Variants in NAALADL2 observed in about 807,000 individuals in gnomAD.
NAALADL2 encodes N-acetylated alpha-linked acidic dipeptidase like 2.
A neutral mutation model predicts 87.2 loss-of-function variants in NAALADL2; 76 were observed. The ratio of observed to expected loss-of-function variants is 0.87; its 90% confidence interval spans 0.72 to 1.05. The LOEUF (loss-of-function observed/expected upper bound fraction) is 1.05, where lower values mean the gene tolerates loss of function less well. NAALADL2 is among the 50% of genes least tolerant of loss of function. The probability of loss-of-function intolerance (pLI) is 0.00; values close to 1 mark genes in which losing one functional copy is unlikely to be tolerated. For missense variants in NAALADL2, 1,089 were observed against 945.8 expected, an observed-to-expected ratio of 1.15 and a Z score of -1.99; for synonymous variants, 354 against 331.0, an observed-to-expected ratio of 1.07 and a Z score of -0.75.
At chr3:174,978,599 C>T (rs1201488335) in intron 1 of NAALADL2, among the ~76,000 whole-genome samples, 2 of 152,138 alleles carry the variant, frequency 1.3e-5, no homozygotes, top group African/African-American at 4.8e-5. Flanking sequence ...CCTTTTAATA[C>T]TTACTATATG....
chr3:174,756,006 C>T (rs1332962950), intron 3 of NAALADL2, among the ~76,000 whole-genome samples: 1 of 152,160 alleles, frequency 6.6e-6, no homozygotes, highest in Non-Finnish European at 1.5e-5. Context: ...ATCAGGCAAT[C>T]ACACAATTCA....
chr3:174,798,817 C>T (rs1205053950), intron 3 of NAALADL2, among the ~76,000 whole-genome samples: 1 of 151,682 alleles, frequency 6.6e-6, no homozygotes, highest in Non-Finnish European at 1.5e-5. Flanking sequence ...TCTAATAGTT[C>T]TTTAGTGGAT....
In NAALADL2 at chr3:175,096,767, A is replaced by G. The variant is rs554704896; in HGVS notation, c.44-23A>G. On this transcript the variant is annotated intron_variant, in intron 1 of 13. Transcript: ENST00000454872. ...TTAATTGTGTGTTTATTTTATTAAA[A>G]TATATTTTTCTTATTTTCACAGGTA... The G allele has an allele frequency of 2.0e-4, 284 of 1,392,976 alleles. 1 individual carries two copies. The highest frequency in any genetic ancestry group is 7.5e-5 in the Non-Finnish European group (79 of 1,057,410). 86.3% of individuals were successfully genotyped at this position (1,392,976 alleles called of 1,614,324 possible).
intron 10 of NAALADL2, among the ~76,000 whole-genome samples, chr3:175,606,520 A>T (rs1038442381): frequency 6.6e-6 from 1 of 152,212 alleles, no homozygotes; most frequent in South Asian, 2.1e-4. Context: ...GCTTAAATTC[A>T]CCTAAAATAT....
At position 175,258,265 on chromosome 3, in the gene NAALADL2, G is replaced by A. The variant is rs148442526; in HGVS notation, c.939+1735G>A. On this transcript the variant is annotated intron_variant, in intron 4 of 13. Transcript: ENST00000454872. ...AGAACTTGCAATGAGCCGAGATCACGCCACTGCACTCCAGCCTGGGCAACA... is the reference window on the plus strand; with the variant it reads ...AGAACTTGCAATGAGCCGAGATCACACCACTGCACTCCAGCCTGGGCAACA... Among the ~76,000 whole-genome samples, 504 of 141,036 alleles carry A rather than the reference G, an allele frequency of 3.6e-3. 5 individuals are homozygous for A. The highest frequency in any genetic ancestry group is 0.013 in the African/African-American group (493 of 37,718). 92.5% of individuals were successfully genotyped at this position (141,036 alleles called of 152,430 possible). A position where few individuals can be genotyped will look rare whatever the true frequency, so the allele number is the denominator to read the frequency against.
Position 175,406,899 on chromosome 3 carries a change from G to A in NAALADL2, c.1091-40330G>A, listed in dbSNP as rs149821536. ...ATTTTTGCATTTTATTAAAAGTGTC[G>A]GCCGGGCGCTGTGGCTCACGCCTGT... On this transcript the variant is annotated intron_variant, in intron 5 of 13. Transcript: ENST00000454872. Among the ~76,000 whole-genome samples the A allele has an allele frequency of 6.4e-3, 964 of 151,646 alleles. 14 individuals carry two copies. The highest frequency in any genetic ancestry group is 0.026 in the Admixed American group (389 of 15,230).
chr3:175,558,937 A>AT (rs796603544), intron 9 of NAALADL2, among the ~76,000 whole-genome samples: 9 of 152,032 alleles, frequency 5.9e-5, no homozygotes, highest in African/African-American at 1.9e-4. Flanking sequence ...AAATTTTAAG[A>AT]TTTTTTTGTT....
chr3:174,826,236 T>C (rs569695752), intron 3 of NAALADL2, among the ~76,000 whole-genome samples: 144 of 152,326 alleles, frequency 9.5e-4, no homozygotes, highest in Middle Eastern at 6.8e-3. Context: ...GAAAGTAACC[T>C]TGTGAGAATG....
chr3:175,288,708 C>T (rs906531875), intron 4 of NAALADL2, among the ~76,000 whole-genome samples: 5 of 152,092 alleles, frequency 3.3e-5, no homozygotes, highest in African/African-American at 1.2e-4. Context: ...CCATGGGATG[C>T]GGTAGTTAAA....
At chr3:175,793,288 A>G (rs1753028406) in intron 13 of NAALADL2, among the ~76,000 whole-genome samples, 1 of 151,442 alleles carries the variant, frequency 6.6e-6, no homozygotes, top group African/African-American at 2.4e-5. Flanking sequence ...AAACTTTATA[A>G]CAAAACAGCA....
chr3:175,600,772 C>A (rs1473099110), intron 10 of NAALADL2, among the ~76,000 whole-genome samples: 1 of 151,774 alleles, frequency 6.6e-6, no homozygotes, highest in Non-Finnish European at 1.5e-5. Context: ...CTCCTGACCT[C>A]GTGATCCGCC....
intron 1 of NAALADL2, among the ~76,000 whole-genome samples, chr3:174,474,603 T>A (rs1179092317): frequency 2.6e-5 from 4 of 152,152 alleles, no homozygotes; most frequent in Non-Finnish European, 5.9e-5. Flanking sequence ...TTTTGTTGTG[T>A]GTTTCTTGTA....
chr3:174,996,863 C>T (rs1399871772), intron 1 of NAALADL2, among the ~76,000 whole-genome samples: 1 of 151,960 alleles, frequency 6.6e-6, no homozygotes, highest in Non-Finnish European at 1.5e-5. Flanking sequence ...ACTTAGCTTC[C>T]ACTGATAAAT....
At chr3:174,859,234 A>T (rs1405563352), upstream of NAALADL2, 1 of 597,198 alleles carries the variant, frequency 1.7e-6, no homozygotes, top group Non-Finnish European at 3.0e-6. Flanking sequence ...ACTTCATAGT[A>T]AAACAGGTCC....
intron 3 of NAALADL2, among the ~76,000 whole-genome samples, chr3:174,780,320 G>A (rs985030941): frequency 4.6e-5 from 7 of 152,048 alleles, no homozygotes; most frequent in African/African-American, 9.7e-5. Flanking sequence ...TGTGATTTTG[G>A]CACATTGATT....
At chr3:174,898,781 T>TA (rs1461279151) in intron 1 of NAALADL2, among the ~76,000 whole-genome samples, 2 of 101,466 alleles carry the variant, frequency 2.0e-5, no homozygotes, top group Non-Finnish European at 4.5e-5. Flanking sequence ...CTAAACTGTA[T>TA]TTTTTGGAAA....
At chr3:175,040,293 C>T (rs1753913363) in intron 1 of NAALADL2, among the ~76,000 whole-genome samples, 1 of 152,162 alleles carries the variant, frequency 6.6e-6, no homozygotes, top group South Asian at 2.1e-4. Flanking sequence ...TGTTTGTCTC[C>T]TAACTAGTCT....
At chr3:174,604,375 T>C (rs1340627360) in intron 2 of NAALADL2, among the ~76,000 whole-genome samples, 2 of 152,210 alleles carry the variant, frequency 1.3e-5, no homozygotes, top group African/African-American at 4.8e-5. Flanking sequence ...GATTTAAGTA[T>C]AGTTACTCCT....
chr3:175,808,902 TTATTTAA>T lies in NAALADL2; in HGVS notation c.*5701_*5707del, dbSNP rs1754927446. The T allele has an allele frequency of 6.6e-6, 1 of 152,012 alleles. No homozygotes were observed. Among genetic ancestry groups the T allele is most frequent in the African/African-American group, 2.4e-5 (1 of 41,424 alleles). The allele number at this position is 152,012 out of a possible 1,614,324, so 9.4% of individuals were successfully genotyped here. A position where few individuals can be genotyped will look rare whatever the true frequency, so the allele number is the denominator to read the frequency against. On this transcript the variant is annotated 3_prime_UTR_variant, in exon 14 of 14. Coordinates refer to ENST00000454872, the MANE Select transcript of NAALADL2 (RefSeq NM_207015.3). ...TATATTTTTCAATCAAAATGTGTAA[TTATTTAA>T]TTATCTAGCCTGCTCAGTAATCATA...
Sources: allele counts gnomAD v4.1 joint callset (sites outside exome capture counted in the v4.1 genomes callset), GRCh38; gene constraint gnomAD v4.1.1; transcripts MANE v1.5; gene names NCBI Gene and HGNC (gene_info 2026-07-23, HGNC 2026-07-21).